The following CENPW variants were observed in gnomAD, a reference collection of about 807,000 sequenced individuals.
CENPW encodes centromere protein W, also known as cancer-up-regulated gene 2 protein.
CENPW carries 3 observed loss-of-function variants against 11.1 expected under a neutral mutation model. The observed-to-expected ratio is 0.27, with a 90% CI of 0.12 to 0.70. CENPW has a LOEUF of 0.70. Ranked by LOEUF, CENPW falls within the 30% of genes least tolerant of loss-of-function variation. CENPW has a pLI of 0.77. For synonymous variants in CENPW, 38 were observed against 42.0 expected (o/e 0.91, Z 0.37); for missense variants, 100 against 105.6 (o/e 0.95, Z 0.23).
the CENPW span, among the ~76,000 whole-genome samples, chr6:126,450,121 G>T: frequency 6.6e-6 from 1 of 151,212 alleles, no homozygotes; most frequent in South Asian, 2.1e-4. Context: ...TAAAAGCTCT[G>T]TGGATTAAAA....
chr6:126,469,391 C>T, the CENPW span, among the ~76,000 whole-genome samples: 11 of 152,300 alleles, frequency 7.2e-5, no homozygotes, highest in East Asian at 2.1e-3. Context: ...CCTGTGACCT[C>T]CCCAGACATG....
At chr6:126,377,655 A>G in the CENPW span, among the ~76,000 whole-genome samples, 34 of 150,356 alleles carry the variant, frequency 2.3e-4, no homozygotes, top group African/African-American at 8.3e-4. Flanking sequence ...TTTAAGAAAT[A>G]TATTTTAAAT....
the CENPW span, among the ~76,000 whole-genome samples, chr6:126,451,282 T>C: frequency 6.6e-6 from 1 of 150,872 alleles, no homozygotes; most frequent in South Asian, 2.1e-4. Context: ...TGGAAAATAA[T>C]TGAGTACTCA....
At chr6:126,366,208 C>T in the CENPW span, among the ~76,000 whole-genome samples, 1 of 151,998 alleles carries the variant, frequency 6.6e-6, no homozygotes, top group African/African-American at 2.4e-5. Flanking sequence ...AAGTTAGAGC[C>T]TTCAAAATAT....
the CENPW span, among the ~76,000 whole-genome samples, chr6:126,430,314 G>A: frequency 2.0e-5 from 3 of 152,154 alleles, no homozygotes; most frequent in East Asian, 1.9e-4. Flanking sequence ...ACTCTCTTAA[G>A]TGAAATGAGC....
At chr6:126,469,597 T>A in the CENPW span, among the ~76,000 whole-genome samples, 2 of 151,968 alleles carry the variant, frequency 1.3e-5, no homozygotes, top group South Asian at 4.2e-4. Flanking sequence ...TTAGGAGGGG[T>A]CAGAAGAAGA....
At chr6:126,386,297 T>C in the CENPW span, among the ~76,000 whole-genome samples, 2 of 152,056 alleles carry the variant, frequency 1.3e-5, no homozygotes, top group Admixed American at 1.3e-4. Flanking sequence ...CTTTCAGTTA[T>C]AACACAAACT....
chr6:126,473,323 C>T, the CENPW span, among the ~76,000 whole-genome samples: 1 of 152,082 alleles, frequency 6.6e-6, no homozygotes, highest in Non-Finnish European at 1.5e-5. Flanking sequence ...ATGTTTAGCT[C>T]TATAAAAAAT....
At chr6:126,455,731 G>A in the CENPW span, among the ~76,000 whole-genome samples, 2,178 of 151,222 alleles carry the variant, frequency 0.014, 44 homozygotes, top group African/African-American at 0.049. Context: ...GCAATCAGGC[G>A]AGAGAAAGAA....
At chr6:126,463,514 A>G in the CENPW span, among the ~76,000 whole-genome samples, 2,554 of 152,170 alleles carry the variant, frequency 0.017, 47 homozygotes, top group Non-Finnish European at 0.026. Context: ...GAGAAAGTCA[A>G]TAAAACCAAA....
At chr6:126,448,592 C>G in the CENPW span, among the ~76,000 whole-genome samples, 1 of 150,978 alleles carries the variant, frequency 6.6e-6, no homozygotes, top group Non-Finnish European at 1.5e-5. Flanking sequence ...TGGGTAATAT[C>G]CATGTTTCAG....
chr6:126,405,986 T>G, the CENPW span, among the ~76,000 whole-genome samples: 1 of 152,150 alleles, frequency 6.6e-6, no homozygotes, highest in Non-Finnish European at 1.5e-5. Flanking sequence ...ACTTTCAGTA[T>G]TATGTTGAAT....
At chr6:126,419,814 C>T in the CENPW span, among the ~76,000 whole-genome samples, 1 of 152,238 alleles carries the variant, frequency 6.6e-6, no homozygotes. Flanking sequence ...TATGTTTTCT[C>T]CATGCCACTG....
At chr6:126,374,091 G>C in the CENPW span, among the ~76,000 whole-genome samples, 3 of 152,142 alleles carry the variant, frequency 2.0e-5, no homozygotes, top group African/African-American at 4.8e-5. Flanking sequence ...CACAGGGATA[G>C]AGGGAGAATT....
the CENPW span, among the ~76,000 whole-genome samples, chr6:126,383,032 G>A: frequency 6.6e-6 from 1 of 152,110 alleles, no homozygotes; most frequent in Non-Finnish European, 1.5e-5. Context: ...GAGAAAGAAT[G>A]GTTATCTACA....
chr6:126,412,205 C>T, the CENPW span, among the ~76,000 whole-genome samples: 1 of 151,336 alleles, frequency 6.6e-6, no homozygotes, highest in African/African-American at 2.4e-5. Context: ...CCAAGCTGGT[C>T]TTGAACTCCA....
chr6:126,419,380 CAT>C, the CENPW span, among the ~76,000 whole-genome samples: 1 of 152,070 alleles, frequency 6.6e-6, no homozygotes, highest in Non-Finnish European at 1.5e-5. Flanking sequence ...AAAATTTACA[CAT>C]GATAAACAAT....
the CENPW span, among the ~76,000 whole-genome samples, chr6:126,403,272 A>T: frequency 2.0e-5 from 3 of 152,156 alleles, no homozygotes; most frequent in African/African-American, 7.2e-5. Flanking sequence ...GAGAAGTTGC[A>T]TATCTCTCAC....
the CENPW span, among the ~76,000 whole-genome samples, chr6:126,392,676 G>A: frequency 6.6e-6 from 1 of 151,808 alleles, no homozygotes; most frequent in Non-Finnish European, 1.5e-5. Flanking sequence ...TCTTTTTAGT[G>A]TGTTGTTGAA....
Sources: gnomAD v4.1 joint callset for allele counts (sites outside exome capture counted in the v4.1 genomes callset) on GRCh38, gnomAD v4.1.1 for gene constraint, MANE v1.5 for transcripts, NCBI Gene and HGNC (gene_info 2026-07-23, HGNC 2026-07-21) for gene names.